ZNF71: variants seen among roughly 807,000 people sequenced by gnomAD.
The protein encoded by ZNF71 is endothelial zinc finger protein induced by tumor necrosis factor alpha.
Under a neutral mutation model 6.7 loss-of-function variants are expected in ZNF71, and 3 were observed. The ratio of observed to expected loss-of-function variants is 0.45; its 90% CI spans 0.20 to 1.16. The LOEUF is 1.16. Among genes scored for constraint, ZNF71 ranks in the 50% most tolerant of loss-of-function variants. The pLI is 0.25. For missense variants in ZNF71, 688 were observed against 728.6 expected, an observed-to-expected ratio of 0.94 and a Z score of 0.64; for synonymous variants, 343 against 311.1, an observed-to-expected ratio of 1.10 and a Z score of -1.08.
Position 56,622,863 on chromosome 19 carries a change from G to C in ZNF71, c.*106G>C. Reference sequence around the variant, plus strand: ...AAGTTCTCCCCTGGGGTGGGGACTCGGGGTCAGGGGAGCTCAGGAATGTGG... The same window carrying C: ...AAGTTCTCCCCTGGGGTGGGGACTCCGGGTCAGGGGAGCTCAGGAATGTGG... On this transcript the variant is annotated 3_prime_UTR_variant, in exon 4 of 4. Transcript: ENST00000599599. 1 of 1,414,828 alleles carries C rather than the reference G, an allele frequency of 7.1e-7. No individual in the cohort carries two copies. The highest frequency in any genetic ancestry group is 9.5e-7 in the Non-Finnish European group (1 of 1,056,288). 87.6% of individuals were successfully genotyped at this position (1,414,828 alleles called of 1,614,324 possible). A position where few individuals can be genotyped will look rare whatever the true frequency, so the allele number is the denominator to read the frequency against.
intron 1 of ZNF71, among the ~76,000 whole-genome samples, chr19:56,597,644 G>A (rs1262575776): frequency 1.3e-5 from 2 of 152,242 alleles, no homozygotes; most frequent in Non-Finnish European, 2.9e-5. Flanking sequence ...GCTTCGCAGA[G>A]GCGACCTGAT....
intron 2 of ZNF71, among the ~76,000 whole-genome samples, chr19:56,601,836 G>C (rs1018622379): frequency 2.0e-5 from 3 of 152,172 alleles, no homozygotes; most frequent in Admixed American, 1.3e-4. Flanking sequence ...GTGGGCACCT[G>C]TGGGAAGTGG....
rs942340498 is a variant in ZNF71 at position 56,622,313 on chromosome 19, C to G, written c.1206C>G (p.Ile402Met). 3.7e-6 allele frequency: 6 copies of G among 1,611,632 alleles called. No homozygotes were observed. In the African/African-American group the frequency reaches 8.1e-5, roughly 22 times the overall value. The change falls in exon 4 of 4, where the codon ATC becomes ATG. Residue 402 changes from isoleucine to methionine, a missense_variant. Ile to Met is a conservative substitution (Grantham distance 10). Transcript: ENST00000599599. ...CCTTCAGCCAGAGCTCCTACCTCAT[C>G]CAGCACCAGCGCTTCCACATCGGCG... Reference protein sequence around the residue: ...GKAFSQSSYLIQHQRFHIGVK... With the variant: ...GKAFSQSSYLMQHQRFHIGVK...
chr19:56,622,717 G>A lies in ZNF71; in HGVS notation c.1610G>A (p.Arg537His). ...RCGECGKTFSRNTNLTRHLRI... is the reference protein window; with the variant it reads ...RCGECGKTFSHNTNLTRHLRI... ...GGCGAGTGCGGGAAGACCTTCAGCC[G>A]CAACACGAACCTGACGCGCCACCTG... Residue 537 changes from arginine to histidine, a missense_variant, in exon 4 of 4, where the codon CGC becomes CAC. Transcript: ENST00000599599. 1 of 1,611,252 alleles carries A rather than the reference G, an allele frequency of 6.2e-7. No homozygotes were observed. Among genetic ancestry groups the A allele is most frequent in the East Asian group, 2.2e-5 (1 of 44,820 alleles).
At position 56,623,009 on chromosome 19, in the gene ZNF71, G is replaced by T. The variant is rs556301411; in HGVS notation, c.*252G>T. On this transcript the variant is annotated 3_prime_UTR_variant, in exon 4 of 4. Transcript: ENST00000599599. ...GGTTCACTGTAGCTGAGCCATGGCC[G>T]CTGGTAACAGACATCAGGGTTCCAG... is the stretch of plus-strand genomic sequence containing the variant. 2.2e-5 allele frequency: 12 copies of T among 553,432 alleles called. No individual in the cohort carries two copies. Among genetic ancestry groups the T allele is most frequent in the African/African-American group, 2.1e-4 (11 of 53,250 alleles). 34.3% of individuals were successfully genotyped at this position (553,432 alleles called of 1,614,324 possible).
intron 2 of ZNF71, among the ~76,000 whole-genome samples, chr19:56,609,684 T>C (rs187727693): frequency 1.5e-5 from 2 of 133,982 alleles, no homozygotes; most frequent in Non-Finnish European, 3.0e-5. Flanking sequence ...CCATACGATA[T>C]GGATTTTGCC....
intron 2 of ZNF71, chr19:56,609,912 T>A (rs2044738891): frequency 6.6e-6 from 1 of 152,208 alleles, no homozygotes; most frequent in African/African-American, 2.4e-5. Flanking sequence ...AAATGAGGCA[T>A]ACGATATGGT....
rs2044891151 is a variant in ZNF71 at position 56,624,245 on chromosome 19, T to A, written c.*1488T>A. The A allele has an allele frequency of 6.4e-6, 1 of 157,048 alleles. No homozygotes were observed. Among genetic ancestry groups the A allele is most frequent in the South Asian group, 2.1e-4 (1 of 4,816 alleles). 9.7% of individuals were successfully genotyped at this position (157,048 alleles called of 1,614,324 possible). ...GCCACTCGGGCACGTATAAACAAGG[T>A]GGACCGTTTTTCAAATTCTGGCAGT... On this transcript the variant is annotated 3_prime_UTR_variant, in exon 4 of 4. Coordinates refer to ENST00000599599, the MANE Select transcript of ZNF71 (RefSeq NM_001370215.1).
chr19:56,619,522 G>A (rs1355861081), intron 3 of ZNF71, among the ~76,000 whole-genome samples: 1 of 152,198 alleles, frequency 6.6e-6, no homozygotes, highest in Non-Finnish European at 1.5e-5. Flanking sequence ...TATCGGATGT[G>A]TTAGGCTTGG....
intron 2 of ZNF71, among the ~76,000 whole-genome samples, chr19:56,609,371 A>G (rs2044732796): frequency 6.6e-6 from 1 of 152,172 alleles, no homozygotes; most frequent in South Asian, 2.1e-4. Context: ...CAGTTATGCA[A>G]CCATCACCAC....
In ZNF71 at chr19:56,618,394, T is replaced by C. The variant is rs1418832591; in HGVS notation, c.161-2874T>C. On this transcript the variant is annotated intron_variant, in intron 3 of 3. Transcript: ENST00000599599. This position sits in a 1 kb window ranked among gnomAD's most constrained non-coding sequence, Gnocchi z 4.6. ...AAATTGTTCAGCACTGTGCCAGGCGTGTTGCCAGTGCTCCATACTCGCTTA... is the reference window on the plus strand; with the variant it reads ...AAATTGTTCAGCACTGTGCCAGGCGCGTTGCCAGTGCTCCATACTCGCTTA... 6.6e-6 allele frequency among the ~76,000 whole-genome samples: 1 copy of C among 152,204 alleles called. No homozygotes were observed. Among genetic ancestry groups the C allele is most frequent in the African/African-American group, 2.4e-5 (1 of 41,458 alleles).
chr19:56,619,329 C>T (rs937241508), intron 3 of ZNF71, among the ~76,000 whole-genome samples: 3 of 152,150 alleles, frequency 2.0e-5, no homozygotes, highest in Non-Finnish European at 2.9e-5. Flanking sequence ...ACCCACTCCT[C>T]AGCCCCCGGC....
chr19:56,602,399 A>T (rs2044677636), intron 2 of ZNF71, among the ~76,000 whole-genome samples: 1 of 152,228 alleles, frequency 6.6e-6, no homozygotes, highest in Non-Finnish European at 1.5e-5. Context: ...GGCGGTATGT[A>T]TTCCCACCAG....
rs952423945 is a variant in ZNF71, at chr19:56,603,829, T to TA, written c.33+2246dup. On this transcript the variant is annotated intron_variant, in intron 2 of 3. Transcript: ENST00000599599. The surrounding 1 kb of genome is among the most constrained non-coding windows in gnomAD (Gnocchi z 4.6). ...TACTAGTGTAATTACATTCAATTTT[T>TA]AAAAAAAATTGAGCCTGTCTGGTTT... 1.8e-4 allele frequency among the ~76,000 whole-genome samples: 25 copies of TA among 137,196 alleles called. No homozygotes were observed. Among genetic ancestry groups the TA allele is most frequent in the African/African-American group, 4.7e-4 (17 of 35,960 alleles). The allele number at this position is 137,196 out of a possible 152,430, so 90.0% of individuals were successfully genotyped here.
intron 3 of ZNF71, among the ~76,000 whole-genome samples, chr19:56,620,670 A>C (rs2044836956): frequency 6.6e-6 from 1 of 151,940 alleles, no homozygotes; most frequent in South Asian, 2.1e-4. Context: ...TAGCTGGGAC[A>C]ATAGGCATGT....
At chr19:56,595,623 G>A (rs1321440516) in intron 1 of ZNF71, among the ~76,000 whole-genome samples, 195 bp downstream of exon 1, 1 of 152,148 alleles carries the variant, frequency 6.6e-6, no homozygotes, top group African/African-American at 2.4e-5. Context: ...AGAGGCGTGA[G>A]TGGGTTGGAG....
rs943034648 is a variant in ZNF71, at chr19:56,623,071, A to G, written c.*314A>G. On this transcript the variant is annotated 3_prime_UTR_variant, in exon 4 of 4. Transcript: ENST00000599599. ...TGAGTAACTGTCCTAGAGCTGGGAC[A>G]GGTCACGCCTGCCTCCACATCTCTG... 8 of 366,684 alleles carry G rather than the reference A, an allele frequency of 2.2e-5. No homozygotes were observed. Among genetic ancestry groups the G allele is most frequent in the African/African-American group, 1.4e-4 (7 of 48,412 alleles). 22.7% of individuals were successfully genotyped at this position (366,684 alleles called of 1,614,324 possible).
In ZNF71 at chr19:56,603,744, A is replaced by C. The variant is rs188068722; in HGVS notation, c.33+2153A>C. Among the ~76,000 whole-genome samples the C allele has an allele frequency of 1.2e-4, 18 of 146,420 alleles. No homozygotes were observed. Among genetic ancestry groups the C allele is most frequent in the Admixed American group, 1.2e-3 (18 of 14,824 alleles). On this transcript the variant is annotated intron_variant, in intron 2 of 3. Transcript: ENST00000599599. The surrounding 1 kb of genome is among the most constrained non-coding windows in gnomAD (Gnocchi z 4.6). Reference sequence around the variant, plus strand: ...CTACATTACTTAGAAAGATTTGTTGATTGTTTTTATTTCAACAGGGTTGGG... The same window carrying C: ...CTACATTACTTAGAAAGATTTGTTGCTTGTTTTTATTTCAACAGGGTTGGG...
chr19:56,601,257 T>C, intron 1 of ZNF71, among the ~76,000 whole-genome samples: 1 of 152,118 alleles, frequency 6.6e-6, no homozygotes, highest in African/African-American at 2.4e-5. Context: ...GGCCTCAGCC[T>C]CCTCATCTGT....
Sources: gnomAD v4.1 joint callset for allele counts (sites outside exome capture counted in the v4.1 genomes callset) on GRCh38, gnomAD v4.1.1 for gene constraint, Gnocchi (gnomAD v3.1) non-coding constraint, MANE v1.5 for transcripts, NCBI Gene and HGNC (gene_info 2026-07-23, HGNC 2026-07-21) for gene names.